RBFOX1: variants seen among roughly 807,000 people sequenced by gnomAD.
The protein encoded by RBFOX1 is RNA binding protein fox-1 homolog 1.
A neutral mutation model predicts 57.7 loss-of-function variants in RBFOX1; 8 were observed. That is an observed-to-expected ratio of 0.14 (90% CI 0.08 to 0.25). RBFOX1 has a LOEUF of 0.25. Ranked by LOEUF, RBFOX1 falls within the 10% of genes least tolerant of loss-of-function variation. The pLI is 1.00. For synonymous variants in RBFOX1, 326 were observed against 222.4 expected (o/e 1.47, Z -4.15); for missense variants, 611 against 548.5 (o/e 1.11, Z -1.14).
rs75218191 is a variant in RBFOX1 at position 5,399,055 on chromosome 16, C to G, written c.220-68161C>G. ...GAGCTTAAGCCTTTCCTCCAGACCC[C>G]TTCTTAACTTGGTGATTGGTGAGAA... On this transcript the variant is annotated intron_variant, in intron 1 of 2. Transcript: ENST00000585867. 2.7e-3 allele frequency among the ~76,000 whole-genome samples: 411 copies of G among 152,294 alleles called. 4 individuals carry two copies. In the East Asian group the frequency reaches 0.035, roughly 13 times the overall value.
At chr16:6,622,283 A>G (rs746367248) in intron 2 of RBFOX1, among the ~76,000 whole-genome samples, 15 of 152,212 alleles carry the variant, frequency 9.9e-5, no homozygotes, top group South Asian at 4.1e-4. Context: ...CTGTGGTCCT[A>G]TAAGATTATA....
chr16:5,999,895 AAAAAAAAAAAAAGAGTG>A (rs1567239116), intron 4 of RBFOX1, among the ~76,000 whole-genome samples: 1 of 73,490 alleles, frequency 1.4e-5, no homozygotes, highest in South Asian at 4.9e-4. Context: ...AAAAAAAAAA[AAAAAAAAAAAAAGAGTG>A]AAGAAGGGAA....
At chr16:6,907,895 G>C (rs373941454) in intron 3 of RBFOX1, among the ~76,000 whole-genome samples, 1 of 151,704 alleles carries the variant, frequency 6.6e-6, no homozygotes, top group African/African-American at 2.4e-5. Flanking sequence ...TTGGCTGGCA[G>C]TCATGGGTGC....
chr16:7,222,072 A>C (rs1010742489), intron 4 of RBFOX1, among the ~76,000 whole-genome samples: 3 of 152,144 alleles, frequency 2.0e-5, no homozygotes, highest in South Asian at 4.1e-4. Flanking sequence ...AGTTTTGAAT[A>C]CTCTGTGTCA....
At chr16:6,891,643 A>G (rs1305562822) in intron 3 of RBFOX1, among the ~76,000 whole-genome samples, 1 of 152,192 alleles carries the variant, frequency 6.6e-6, no homozygotes, top group African/African-American at 2.4e-5. Context: ...TCCTTGCTTA[A>G]TCTCTGCAAG....
At chr16:7,001,511 C>G (rs927238440) in intron 3 of RBFOX1, among the ~76,000 whole-genome samples, 2 of 152,090 alleles carry the variant, frequency 1.3e-5, no homozygotes, top group Non-Finnish European at 2.9e-5. Flanking sequence ...GGATGGAGTA[C>G]AGTTGCATGA....
chr16:6,440,788 G>A (rs1284525566), intron 2 of RBFOX1, among the ~76,000 whole-genome samples: 11 of 139,936 alleles, frequency 7.9e-5, no homozygotes, highest in Non-Finnish European at 1.2e-4. Flanking sequence ...GTGACAGAGC[G>A]AGACACCATC....
chr16:5,555,739 C>G (rs1286232014), intron 2 of RBFOX1, among the ~76,000 whole-genome samples: 1 of 151,196 alleles, frequency 6.6e-6, no homozygotes, highest in Non-Finnish European at 1.5e-5. Flanking sequence ...CCCTCTCCCT[C>G]GGCTGGGTGC....
chr16:6,612,356 C>T (rs1444957308), intron 2 of RBFOX1, among the ~76,000 whole-genome samples: 2 of 152,200 alleles, frequency 1.3e-5, no homozygotes, highest in African/African-American at 2.4e-5. Context: ...TTAATAAAAC[C>T]AACATTGCCA....
chr16:6,509,923 G>A (rs1416673260), intron 2 of RBFOX1, among the ~76,000 whole-genome samples: 1 of 152,182 alleles, frequency 6.6e-6, no homozygotes, highest in Non-Finnish European at 1.5e-5. Context: ...TGATAATGCA[G>A]GAGACGCTCC....
At position 6,152,523 on chromosome 16, in the gene RBFOX1, A is replaced by T. The variant is rs145806513; in HGVS notation, c.-127+132531A>T. ...AGCTCAAGTTGGGGTCAGAATTTAG[A>T]GGCCCCACTGGAGTGTTTATGCTTG... On this transcript the variant is annotated intron_variant, in intron 1 of 15. Coordinates refer to ENST00000550418, the MANE Select transcript of RBFOX1 (RefSeq NM_018723.4). 5.3e-3 allele frequency among the ~76,000 whole-genome samples: 813 copies of T among 152,332 alleles called. 5 individuals carry two copies. Among genetic ancestry groups the T allele is most frequent in the African/African-American group, 0.018 (754 of 41,564 alleles).
At chr16:5,724,043 G>A (rs576183169) in intron 3 of RBFOX1, among the ~76,000 whole-genome samples, 3 of 152,140 alleles carry the variant, frequency 2.0e-5, no homozygotes, top group Non-Finnish European at 4.4e-5. Flanking sequence ...GTGTCCGTGT[G>A]TGTGCATGTG....
intron 3 of RBFOX1, among the ~76,000 whole-genome samples, chr16:5,623,567 G>C (rs564402063): frequency 6.6e-6 from 1 of 152,116 alleles, no homozygotes; most frequent in East Asian, 1.9e-4. Flanking sequence ...GGACCACATG[G>C]TCCCAACTGC....
chr16:7,406,853 C>G lies in RBFOX1; in HGVS notation c.28-111294C>G, dbSNP rs757883833. Among the ~76,000 whole-genome samples, 17 of 152,292 alleles carry G rather than the reference C, an allele frequency of 1.1e-4. No individual in the cohort carries two copies. In the South Asian group the frequency reaches 1.5e-3, roughly 13 times the overall value. ...GGAAATCTAGGGGAAAGTCCATTTC[C>G]TTGCATTTTCTAGTTTCTAGAGGCC... On this transcript the variant is annotated intron_variant, in intron 4 of 15. Coordinates refer to ENST00000550418, the MANE Select transcript of RBFOX1 (RefSeq NM_018723.4).
intron 4 of RBFOX1, among the ~76,000 whole-genome samples, chr16:7,193,993 C>T (rs117785805): frequency 0.036 from 5,516 of 151,594 alleles, 145 homozygotes; most frequent in South Asian, 0.092. Flanking sequence ...TAGTCTTTCC[C>T]AAGTATAAGC....
chr16:7,304,565 C>A (rs1053944264), intron 4 of RBFOX1: 1 of 985,208 alleles, frequency 1.0e-6, no homozygotes. Flanking sequence ...GGCTGCGCTT[C>A]GGTGCCTTAT....
chr16:5,500,430 C>T (rs1440764591), intron 2 of RBFOX1, among the ~76,000 whole-genome samples: 1 of 151,986 alleles, frequency 6.6e-6, no homozygotes, highest in East Asian at 1.9e-4. Flanking sequence ...CTTATGTTGC[C>T]CAGGCTGTCT....
At chr16:7,292,721 T>C (rs747948738) in intron 4 of RBFOX1, among the ~76,000 whole-genome samples, 2 of 152,090 alleles carry the variant, frequency 1.3e-5, no homozygotes, top group Admixed American at 1.3e-4. Context: ...ACATATATAG[T>C]CTTTTTCTTA....
intron 3 of RBFOX1, among the ~76,000 whole-genome samples, chr16:5,819,040 C>T (rs1325211318): frequency 6.6e-6 from 1 of 152,160 alleles, no homozygotes; most frequent in East Asian, 1.9e-4. Context: ...TCTGCTTTCT[C>T]TCCATCCACA....
Sources: gnomAD v4.1 joint callset for allele counts (sites outside exome capture counted in the v4.1 genomes callset) on GRCh38, gnomAD v4.1.1 for gene constraint, MANE v1.5 for transcripts, NCBI Gene and HGNC (gene_info 2026-07-23, HGNC 2026-07-21) for gene names.